The following ARID1B variants were observed in gnomAD, a reference collection of about 807,000 sequenced individuals.
ARID1B encodes AT-rich interaction domain 1B.
A neutral mutation model predicts 212.3 loss-of-function variants in ARID1B; 30 were observed. The observed-to-expected ratio is 0.14, with a 90% CI of 0.11 to 0.19. The LOEUF (loss-of-function observed/expected upper bound fraction) is 0.19. Ranked by LOEUF, ARID1B falls within the 10% of genes least tolerant of loss-of-function variation. The pLI is 1.00. For synonymous variants in ARID1B, 1,402 were observed against 1,301.7 expected (o/e 1.08, Z -1.66); for missense variants, 2,891 against 3,204.0 (o/e 0.90, Z 2.36).
intron 3 of ARID1B, among the ~76,000 whole-genome samples, chr6:156,926,999 T>G (rs1280909228): frequency 6.6e-6 from 1 of 152,092 alleles, no homozygotes; most frequent in Non-Finnish European, 1.5e-5. Flanking sequence ...TATCATTTCA[T>G]TGGTAAATAT....
At chr6:156,992,091 G>C (rs957865094) in intron 4 of ARID1B, among the ~76,000 whole-genome samples, 2 of 152,272 alleles carry the variant, frequency 1.3e-5, no homozygotes, top group Middle Eastern at 3.4e-3. Context: ...ATATTTTATG[G>C]AGAGTGTGTA....
At chr6:156,966,386 C>CTTTTCTTTTTTTTTTTTTTTTTTTTT (rs1794748843) in intron 4 of ARID1B, among the ~76,000 whole-genome samples, 2 of 38,918 alleles carry the variant, frequency 5.1e-5, no homozygotes, top group African/African-American at 1.6e-4. Context: ...CTTTTCTTTT[C>CTTTTCTTTTTTTTTTTTTTTTTTTTT]TTTTTTTTTT....
chr6:156,936,416 A>G (rs1345034856), intron 4 of ARID1B: 3 of 151,288 alleles, frequency 2.0e-5, no homozygotes, highest in East Asian at 1.9e-4. Context: ...TGGGGTTTCT[A>G]TTTATAAGAG....
chr6:157,110,357 G>A, intron 5 of ARID1B, 115 bp from the exon 6 acceptor site: 2 of 826,850 alleles, frequency 2.4e-6, no homozygotes, highest in Non-Finnish European at 4.1e-6. Context: ...TTTTTTAATG[G>A]GGCTATACCT....
chr6:157,161,398 G>A (rs1790919175), intron 8 of ARID1B, among the ~76,000 whole-genome samples: 1 of 148,142 alleles, frequency 6.8e-6, no homozygotes, highest in Admixed American at 6.8e-5. Context: ...ACCAGGGCTT[G>A]ACGGTCTTAT....
intron 4 of ARID1B, among the ~76,000 whole-genome samples, chr6:157,030,951 C>A (rs543666557): frequency 6.6e-6 from 1 of 152,022 alleles, no homozygotes; most frequent in Non-Finnish European, 1.5e-5. Flanking sequence ...GTGCACTGAG[C>A]GATTTCAGCA....
At chr6:157,027,602 A>G (rs1780742088) in intron 4 of ARID1B, among the ~76,000 whole-genome samples, 1 of 152,258 alleles carries the variant, frequency 6.6e-6, no homozygotes, top group South Asian at 2.1e-4. Context: ...ATGAACAGCC[A>G]TTTGCTGGCT....
At chr6:156,956,483 G>C (rs1439002064) in intron 4 of ARID1B, among the ~76,000 whole-genome samples, 1 of 152,126 alleles carries the variant, frequency 6.6e-6, no homozygotes, top group African/African-American at 2.4e-5. Context: ...TGGCCTCTAG[G>C]GACAGCAGCC....
chr6:157,062,676 T>G (rs1783414960), intron 4 of ARID1B, among the ~76,000 whole-genome samples: 1 of 150,366 alleles, frequency 6.7e-6, no homozygotes, highest in Non-Finnish European at 1.5e-5. Context: ...TGTCTGTTAA[T>G]CTGGTATGTT....
In ARID1B at chr6:157,167,120, C is replaced by G. The variant is rs780818465; in HGVS notation, c.3170C>G (p.Ser1057Cys). Residue 1057 changes from serine to cysteine, a missense_variant, in exon 9 of 20, where the codon TCT becomes TGT. Coordinates refer to ENST00000636930, the MANE Select transcript of ARID1B (RefSeq NM_001374828.1). ...SPYSQPMNNS[S>C]SLMNTQAPPY... The stretch of plus-strand genomic sequence containing the variant: ...TACAGCCAGCCCATGAACAACAGCT[C>G]TAGCCTGATGAACACGCAGGCGCCG... 5.0e-6 allele frequency: 8 copies of G among 1,612,258 alleles called. No individual in the cohort carries two copies. Among genetic ancestry groups the G allele is most frequent in the Non-Finnish European group, 6.8e-6 (8 of 1,180,032 alleles).
intron 4 of ARID1B, among the ~76,000 whole-genome samples, chr6:157,079,764 G>A (rs973811518): frequency 1.3e-5 from 2 of 152,086 alleles, no homozygotes; most frequent in African/African-American, 2.4e-5. Flanking sequence ...GATATTTACC[G>A]ATGAACAATC....
At position 156,909,123 on chromosome 6, in the gene ARID1B, C is replaced by CTTT. The variant is rs60183999; in HGVS notation, c.2136+7616_2136+7618dup. On this transcript the variant is annotated intron_variant, in intron 3 of 19. Transcript: ENST00000636930. The stretch of plus-strand genomic sequence containing the variant: ...TTCTTTTTTTTTCTTTTTTCTTTCT[C>CTTT]TTTTTTTTTTTTTTTTTTTTGAGAC... Among the ~76,000 whole-genome samples, 536 of 108,806 alleles carry CTTT rather than the reference C, an allele frequency of 4.9e-3. 25 individuals are homozygous for CTTT. The highest frequency in any genetic ancestry group is 0.013 in the African/African-American group (343 of 26,670). 71.4% of individuals were successfully genotyped at this position (108,806 alleles called of 152,430 possible).
At chr6:157,088,790 A>G (rs908884169) in intron 5 of ARID1B, among the ~76,000 whole-genome samples, 23 of 152,288 alleles carry the variant, frequency 1.5e-4, no homozygotes, top group African/African-American at 5.1e-4. Context: ...TCTATACATC[A>G]GATCCCAAGT....
intron 2 of ARID1B, among the ~76,000 whole-genome samples, chr6:156,853,335 TC>T: frequency 6.6e-6 from 1 of 152,342 alleles, no homozygotes; most frequent in East Asian, 1.9e-4. Flanking sequence ...CCTAGAGTTG[TC>T]CTGAGGATGA....
chr6:156,924,209 TG>T (rs1479606467), intron 3 of ARID1B, among the ~76,000 whole-genome samples: 3 of 152,198 alleles, frequency 2.0e-5, no homozygotes, highest in Admixed American at 1.3e-4. Flanking sequence ...AGACCCCCAG[TG>T]GATGCCTGAA....
chr6:157,110,661 T>C, intron 6 of ARID1B, 100 bp downstream of exon 6: 1 of 1,103,536 alleles, frequency 9.1e-7, no homozygotes, highest in East Asian at 2.4e-5. Flanking sequence ...TTAATTTTTT[T>C]AAAGGATATT....
In ARID1B at chr6:157,200,472, G is replaced by T. The variant is rs553343985; in HGVS notation, c.4480-233G>T. On this transcript the variant is annotated intron_variant, in intron 17 of 19. Coordinates refer to ENST00000636930, the MANE Select transcript of ARID1B (RefSeq NM_001374828.1). This position sits in a 1 kb window ranked among gnomAD's most constrained non-coding sequence, Gnocchi z 4.3. The stretch of plus-strand genomic sequence containing the variant: ...AGAGGAGGCTTTTTTTTTTCCACAG[G>T]AAGTTTCAAACACGTGAAAACAAAC... Among the ~76,000 whole-genome samples, 1 of 151,842 alleles carries T rather than the reference G, an allele frequency of 6.6e-6. No individual in the cohort carries two copies. Among genetic ancestry groups the T allele is most frequent in the South Asian group, 2.1e-4 (1 of 4,806 alleles).
rs1182843294 is a variant in ARID1B at position 156,837,987 on chromosome 6, CTAGA to C, written c.1986+8569_1986+8572del. 1.9e-4 allele frequency among the ~76,000 whole-genome samples: 29 copies of C among 152,316 alleles called. No individual in the cohort carries two copies. In the East Asian group the frequency reaches 3.3e-3, roughly 17 times the overall value. On this transcript the variant is annotated intron_variant, in intron 2 of 19. Transcript: ENST00000636930. ...TAGCCCCAATCCAAAATTTTGGTCA[CTAGA>C]TAAACAGCAGGAGTTACCCAGCTTC...
chr6:156,969,957 A>C (rs952686209), intron 4 of ARID1B, among the ~76,000 whole-genome samples: 4 of 150,204 alleles, frequency 2.7e-5, no homozygotes, highest in Non-Finnish European at 5.9e-5. Flanking sequence ...AGCAATTCAG[A>C]CTTGAAAATT....
Sources: allele counts gnomAD v4.1 joint callset (sites outside exome capture counted in the v4.1 genomes callset), GRCh38; gene constraint gnomAD v4.1.1; non-coding constraint Gnocchi (gnomAD v3.1); transcripts MANE v1.5; gene names NCBI Gene and HGNC (gene_info 2026-07-23, HGNC 2026-07-21).